MAPKAP1: variants seen among roughly 807,000 people sequenced by gnomAD.
MAPKAP1 encodes the protein MAPK associated protein 1.
In MAPKAP1, 20 loss-of-function variants were observed where a neutral mutation model predicts 65.7. That is an observed-to-expected ratio of 0.30 (90% confidence interval 0.21 to 0.44). The LOEUF (loss-of-function observed/expected upper bound fraction) is 0.44, where lower values mean the gene tolerates loss of function less well. Among genes scored for constraint, MAPKAP1 ranks in the 20% least tolerant of loss-of-function variants. The pLI is 1.00. For synonymous variants in MAPKAP1, 222 were observed against 244.3 expected (o/e 0.91, Z 0.85); for missense variants, 423 against 648.0 (o/e 0.65, Z 3.77).
At chr9:125,499,916 G>C (rs143654866) in intron 8 of MAPKAP1, among the ~76,000 whole-genome samples, 25 of 152,174 alleles carry the variant, frequency 1.6e-4, no homozygotes, top group Non-Finnish European at 2.6e-4. Flanking sequence ...GAGCCAGGGA[G>C]GTCAAGGCTG....
intron 9 of MAPKAP1, among the ~76,000 whole-genome samples, chr9:125,472,076 C>A (rs560898921): frequency 2.0e-5 from 3 of 152,198 alleles, no homozygotes; most frequent in Non-Finnish European, 4.4e-5. Context: ...CCTAAGATCA[C>A]CCAGCTCAGA....
At chr9:125,463,742 T>C (rs1311677402) in intron 10 of MAPKAP1, among the ~76,000 whole-genome samples, 1 of 152,262 alleles carries the variant, frequency 6.6e-6, no homozygotes, top group South Asian at 2.1e-4. Flanking sequence ...TGCAAGAGAA[T>C]GTAATCAGGT....
chr9:125,607,232 G>A (rs927573719), intron 4 of MAPKAP1, among the ~76,000 whole-genome samples: 10 of 152,090 alleles, frequency 6.6e-5, no homozygotes, highest in East Asian at 3.9e-4. Flanking sequence ...ATATTATAGC[G>A]ACTGAAACAA....
intron 10 of MAPKAP1, among the ~76,000 whole-genome samples, chr9:125,459,708 G>A (rs1229188844): frequency 2.0e-5 from 3 of 152,164 alleles, no homozygotes; most frequent in African/African-American, 4.8e-5. Flanking sequence ...GCAGGCACTC[G>A]GCAGGCTGAG....
At chr9:125,475,784 G>A (rs1854085316) in intron 9 of MAPKAP1, among the ~76,000 whole-genome samples, 1 of 152,198 alleles carries the variant, frequency 6.6e-6, no homozygotes, top group Non-Finnish European at 1.5e-5. Flanking sequence ...GGATACCTCA[G>A]GTGAGCCTAT....
At chr9:125,530,238 C>T (rs934111508) in intron 7 of MAPKAP1, among the ~76,000 whole-genome samples, 1 of 152,160 alleles carries the variant, frequency 6.6e-6, no homozygotes, top group Non-Finnish European at 1.5e-5. Flanking sequence ...CATCAAATGG[C>T]CTGACCGAAG....
intron 9 of MAPKAP1, among the ~76,000 whole-genome samples, chr9:125,482,830 C>T (rs950280447): frequency 1.3e-5 from 2 of 152,172 alleles, no homozygotes; most frequent in African/African-American, 4.8e-5. Context: ...AGTGCTGTCT[C>T]ATCTGATCAG....
At chr9:125,619,022 A>C (rs1832823134) in intron 4 of MAPKAP1, among the ~76,000 whole-genome samples, 1 of 152,140 alleles carries the variant, frequency 6.6e-6, no homozygotes, top group Non-Finnish European at 1.5e-5. Flanking sequence ...TGTCCCAGGT[A>C]GTCAGGAGGC....
intron 1 of MAPKAP1, among the ~76,000 whole-genome samples, chr9:125,680,436 T>C (rs1198902478): frequency 6.6e-6 from 1 of 152,202 alleles, no homozygotes; most frequent in Non-Finnish European, 1.5e-5. Context: ...AATCTCTTTC[T>C]CTAACTCCAA....
At chr9:125,620,886 GGAGT>G (rs35038957) in intron 4 of MAPKAP1, among the ~76,000 whole-genome samples, 42,075 of 151,742 alleles carry the variant, frequency 0.28, 6,651 homozygotes, top group Non-Finnish European at 0.36. Flanking sequence ...TGGACAGGAG[GGAGT>G]GAGACATGTT....
chr9:125,490,033 C>T (rs1039577737), intron 8 of MAPKAP1, among the ~76,000 whole-genome samples: 3 of 152,178 alleles, frequency 2.0e-5, no homozygotes, highest in Non-Finnish European at 4.4e-5. Context: ...TCACCACACT[C>T]CTACAGCAAC....
intron 6 of MAPKAP1, among the ~76,000 whole-genome samples, chr9:125,555,399 T>C (rs940402904): frequency 9.9e-5 from 15 of 152,238 alleles, no homozygotes; most frequent in Admixed American, 6.5e-4. Context: ...CAAGATACTA[T>C]TGAAGCTGAA....
intron 4 of MAPKAP1, among the ~76,000 whole-genome samples, chr9:125,597,628 A>C (rs913299297): frequency 2.0e-5 from 3 of 152,256 alleles, no homozygotes; most frequent in African/African-American, 7.2e-5. Flanking sequence ...AAGGATAGAC[A>C]GCTTAGCTTC....
intron 4 of MAPKAP1, among the ~76,000 whole-genome samples, chr9:125,601,397 T>G (rs1418119028): frequency 6.6e-6 from 1 of 152,216 alleles, no homozygotes; most frequent in Non-Finnish European, 1.5e-5. Context: ...CACATTAAAA[T>G]TGTTTCCTTA....
intron 10 of MAPKAP1, among the ~76,000 whole-genome samples, chr9:125,453,945 C>T (rs987218921): frequency 1.3e-5 from 2 of 152,230 alleles, no homozygotes; most frequent in Non-Finnish European, 2.9e-5. Flanking sequence ...CACTTGTTCT[C>T]CTTGAAGTGA....
chr9:125,513,046 C>A (rs1365764680), intron 7 of MAPKAP1: 2 of 152,262 alleles, frequency 1.3e-5, no homozygotes, highest in Non-Finnish European at 2.9e-5. Context: ...CTGGTGGTTA[C>A]CCACTCCCGG....
intron 4 of MAPKAP1, among the ~76,000 whole-genome samples, chr9:125,631,527 T>C (rs764424418): frequency 1.3e-5 from 2 of 152,208 alleles, no homozygotes; most frequent in Non-Finnish European, 2.9e-5. Context: ...TAGACACTTA[T>C]AGTTGTAAAT....
In MAPKAP1 at chr9:125,687,135, T is replaced by A. The variant is rs186176038; in HGVS notation, c.-69-14492A>T. Among the ~76,000 whole-genome samples the A allele has an allele frequency of 9.4e-3, 1,422 of 151,978 alleles. 21 individuals are homozygous for A. The highest frequency in any genetic ancestry group is 0.012 in the Non-Finnish European group (831 of 67,962). Reference sequence around the variant, plus strand: ...GCCACCATGCCCATCTTTTTTTTTTTTTTTTTTAATGCTAGTATATAAACT... The same window carrying A: ...GCCACCATGCCCATCTTTTTTTTTTATTTTTTTAATGCTAGTATATAAACT... On this transcript the variant is annotated intron_variant, in intron 1 of 11. Coordinates refer to ENST00000265960, the MANE Select transcript of MAPKAP1 (RefSeq NM_001006617.3).
intron 4 of MAPKAP1, among the ~76,000 whole-genome samples, chr9:125,613,688 C>A (rs1290196005): frequency 1.3e-5 from 2 of 152,180 alleles, no homozygotes; most frequent in Non-Finnish European, 2.9e-5. Flanking sequence ...CCAGGAGAAC[C>A]CAACCTGTGA....
Sources: allele counts gnomAD v4.1 joint callset (sites outside exome capture counted in the v4.1 genomes callset), GRCh38; gene constraint gnomAD v4.1.1; transcripts MANE v1.5; gene names NCBI Gene and HGNC (gene_info 2026-07-23, HGNC 2026-07-21).